The following PLEKHA6 variants were observed in gnomAD, a reference collection of about 807,000 sequenced individuals.
The protein encoded by PLEKHA6 is pleckstrin homology domain-containing family A member 6.
In PLEKHA6, 60 loss-of-function variants were observed where a neutral mutation model predicts 116.7. The ratio of observed to expected loss-of-function variants is 0.51; its 90% confidence interval spans 0.42 to 0.64. The LOEUF (loss-of-function observed/expected upper bound fraction) is 0.64. Ranked by LOEUF, PLEKHA6 falls within the 30% of genes least tolerant of loss-of-function variation. The pLI is 0.00. For synonymous variants in PLEKHA6, 489 were observed against 556.1 expected, an observed-to-expected ratio of 0.88 and a Z score of 1.70; for missense variants, 1,338 against 1,422.7, an observed-to-expected ratio of 0.94 and a Z score of 0.96.
chr1:204,332,380 GT>G (rs891216537), intron 1 of PLEKHA6, among the ~76,000 whole-genome samples: 26 of 151,202 alleles, frequency 1.7e-4, no homozygotes, highest in South Asian at 1.3e-3. Context: ...CTCACTGTTT[GT>G]TTTTTTTTAA....
At chr1:204,316,327 G>A (rs1256414066) in intron 1 of PLEKHA6, among the ~76,000 whole-genome samples, 2 of 152,214 alleles carry the variant, frequency 1.3e-5, no homozygotes, top group Non-Finnish European at 1.5e-5. Flanking sequence ...GTGGAGAGTG[G>A]GTGTTGGAGC....
intron 1 of PLEKHA6, chr1:204,346,795 G>A (rs1002535658): frequency 5.2e-6 from 6 of 1,161,686 alleles, no homozygotes; most frequent in Admixed American, 5.1e-5. Flanking sequence ...GAATTCATAG[G>A]GAATAGGTTC....
Position 204,259,037 on chromosome 1 carries a change from C to G in PLEKHA6, c.1007+221G>C, listed in dbSNP as rs1665736404. Among the ~76,000 whole-genome samples the G allele has an allele frequency of 6.6e-6, 1 of 152,182 alleles. No individual in the cohort carries two copies. Among genetic ancestry groups the G allele is most frequent in the South Asian group, 2.1e-4 (1 of 4,826 alleles). Reference sequence around the variant, plus strand: ...TGTCCCTTCTTCTGAAGGAAGCAGACAAAGAAACCAAGAATCAGGGACAGC... The same window carrying G: ...TGTCCCTTCTTCTGAAGGAAGCAGAGAAAGAAACCAAGAATCAGGGACAGC... On this transcript the variant is annotated intron_variant, in intron 8 of 22. Transcript: ENST00000272203. This position sits in a 1 kb window ranked among gnomAD's most constrained non-coding sequence, Gnocchi z 4.6.
At chr1:204,269,162 C>G (rs1667168844) in intron 3 of PLEKHA6, among the ~76,000 whole-genome samples, 1 of 151,702 alleles carries the variant, frequency 6.6e-6, no homozygotes, top group South Asian at 2.1e-4. Flanking sequence ...AACATTCCAC[C>G]CTTTGGGCTT....
chr1:204,375,142 G>C (rs1673844411), intron 1 of PLEKHA6, among the ~76,000 whole-genome samples: 1 of 151,806 alleles, frequency 6.6e-6, no homozygotes, highest in South Asian at 2.1e-4. Flanking sequence ...CTTGACACTG[G>C]TGCTGCCTGG....
chr1:204,234,559 AT>A (rs1661669639), intron 17 of PLEKHA6, among the ~76,000 whole-genome samples: 1 of 152,052 alleles, frequency 6.6e-6, no homozygotes, highest in African/African-American at 2.4e-5. Flanking sequence ...ATTCTTTTAT[AT>A]TTTTTATGCA....
At chr1:204,250,778 G>T in intron 9 of PLEKHA6, among the ~76,000 whole-genome samples, 164 bp from the exon 10 acceptor site, 1 of 152,196 alleles carries the variant, frequency 6.6e-6, no homozygotes, top group East Asian at 1.9e-4. Flanking sequence ...TCCCCTGGCT[G>T]GAAGCCTGGG....
intron 9 of PLEKHA6, chr1:204,256,967 AG>A (rs1310067274): frequency 1.7e-6 from 1 of 582,132 alleles, no homozygotes; most frequent in Non-Finnish European, 3.1e-6. Context: ...TCAAGGTTAG[AG>A]GTATTTGTGT....
At chr1:204,362,473 C>G (rs1558202564), upstream of PLEKHA6, among the ~76,000 whole-genome samples, 1 of 152,176 alleles carries the variant, frequency 6.6e-6, no homozygotes, top group Non-Finnish European at 1.5e-5. Context: ...GGTGCCATCC[C>G]CACTCCCTAC....
At chr1:204,229,161 T>G in intron 18 of PLEKHA6, 57 bp from the exon 19 acceptor site, 2 of 1,555,700 alleles carry the variant, frequency 1.3e-6, no homozygotes, top group Non-Finnish European at 1.8e-6. Flanking sequence ...CAGGCAGCTC[T>G]AGCTATGCCC....
At chr1:204,325,821 T>C in intron 1 of PLEKHA6, 2 of 719,468 alleles carry the variant, frequency 2.8e-6, no homozygotes, top group Non-Finnish European at 3.4e-6. Context: ...GGTCACTTAG[T>C]CCTGCAGAGA....
chr1:204,254,557 T>C (rs1665025094), intron 9 of PLEKHA6, among the ~76,000 whole-genome samples: 1 of 152,076 alleles, frequency 6.6e-6, no homozygotes, highest in South Asian at 2.1e-4. Context: ...AAGCTTGGAG[T>C]CACTGTCCAA....
At chr1:204,281,606 C>A (rs1668625560) in intron 1 of PLEKHA6, among the ~76,000 whole-genome samples, 1 of 152,092 alleles carries the variant, frequency 6.6e-6, no homozygotes, top group African/African-American at 2.4e-5. Flanking sequence ...AAACAACAAC[C>A]CCTACTGTCT....
intron 1 of PLEKHA6, among the ~76,000 whole-genome samples, chr1:204,313,127 C>T (rs1373757914): frequency 3.4e-5 from 5 of 149,244 alleles, no homozygotes; most frequent in African/African-American, 1.2e-4. Flanking sequence ...TTGCGTTGCC[C>T]AGGCCAGTCT....
At chr1:204,278,482 T>A (rs1387966885) in intron 1 of PLEKHA6, among the ~76,000 whole-genome samples, 2 of 152,212 alleles carry the variant, frequency 1.3e-5, no homozygotes, top group Non-Finnish European at 2.9e-5. Flanking sequence ...TTCTGTGATG[T>A]CACAACAGAC....
At chr1:204,294,063 T>C (rs1351311138) in intron 1 of PLEKHA6, among the ~76,000 whole-genome samples, 1 of 152,208 alleles carries the variant, frequency 6.6e-6, no homozygotes, top group Non-Finnish European at 1.5e-5. Context: ...GTCCTTGTTT[T>C]TAAAAGGAAA....
chr1:204,316,254 C>A (rs553848945), intron 1 of PLEKHA6, among the ~76,000 whole-genome samples: 1 of 152,118 alleles, frequency 6.6e-6, no homozygotes, highest in Non-Finnish European at 1.5e-5. Flanking sequence ...AAAGAAACAT[C>A]GGGACTGACA....
In PLEKHA6 at chr1:204,245,782, TTCTC is replaced by T; in HGVS notation, c.1921-60_1921-57del. 24 of 1,306,312 alleles carry T rather than the reference TTCTC, an allele frequency of 1.8e-5. No individual in the cohort carries two copies. The South Asian group carries it at 2.6e-4, about 14-fold the overall frequency. 80.9% of individuals were successfully genotyped at this position (1,306,312 alleles called of 1,614,324 possible). On this transcript the variant is annotated intron_variant, in intron 13 of 22. Transcript: ENST00000272203. ...ATGGCCATGAGGAGTGTCCAGCCCT[TTCTC>T]TCAGCCCAGACCCCTTGGAACCCAC...
At chr1:204,287,630 G>A (rs1669333810) in intron 1 of PLEKHA6, among the ~76,000 whole-genome samples, 1 of 152,120 alleles carries the variant, frequency 6.6e-6, no homozygotes, top group Admixed American at 6.6e-5. Flanking sequence ...ACTCTGCTAA[G>A]TAAAAGGATA....
Sources: allele counts gnomAD v4.1 joint callset (sites outside exome capture counted in the v4.1 genomes callset), GRCh38; gene constraint gnomAD v4.1.1; non-coding constraint Gnocchi (gnomAD v3.1); transcripts MANE v1.5; gene names NCBI Gene and HGNC (gene_info 2026-07-23, HGNC 2026-07-21).